RERG: variants seen among roughly 807,000 people sequenced by gnomAD.
RERG encodes the protein RAS like estrogen regulated growth inhibitor.
RERG carries 25 observed loss-of-function variants against 23.2 expected under a neutral mutation model. The ratio of observed to expected loss-of-function variants is 1.08; its 90% confidence interval spans 0.79 to 1.50. RERG has a LOEUF of 1.50. Ranked by LOEUF, RERG falls within the 40% of genes most tolerant of loss-of-function variation. The probability of loss-of-function intolerance (pLI) is 0.00; values close to 1 mark genes in which losing one functional copy is unlikely to be tolerated. For synonymous variants in RERG, 81 were observed against 89.1 expected, an observed-to-expected ratio of 0.91 and a Z score of 0.51; for missense variants, 253 against 250.1, an observed-to-expected ratio of 1.01 and a Z score of -0.08.
intron 2 of RERG, among the ~76,000 whole-genome samples, chr12:15,141,198 C>T (rs1021396780): frequency 6.6e-6 from 1 of 150,932 alleles, no homozygotes; most frequent in African/African-American, 2.4e-5. Context: ...CTCTGTCACC[C>T]AGGCTGCAGT....
chr12:15,213,751 T>C lies in RERG; in HGVS notation c.61+3678A>G, dbSNP rs1591673175. ...CAAACTGTCAATGAAAAAGTTCTGG[T>C]AAATGTTAAATTCTGTTTTAAATAT... On this transcript the variant is annotated intron_variant, in intron 2 of 4. Coordinates refer to ENST00000256953, the MANE Select transcript of RERG (RefSeq NM_032918.3). Among the ~76,000 whole-genome samples, 4 of 152,208 alleles carry C rather than the reference T, an allele frequency of 2.6e-5. No homozygotes were observed. In the East Asian group the frequency reaches 7.7e-4, roughly 29 times the overall value.
intron 2 of RERG, among the ~76,000 whole-genome samples, chr12:15,158,345 G>A (rs1470746293): frequency 6.6e-6 from 1 of 151,880 alleles, no homozygotes; most frequent in Non-Finnish European, 1.5e-5. Flanking sequence ...ACAGTGTTAT[G>A]ATCTTGGCTC....
intron 2 of RERG, among the ~76,000 whole-genome samples, chr12:15,145,761 G>A (rs1463718872): frequency 1.3e-5 from 2 of 152,186 alleles, no homozygotes; most frequent in Admixed American, 6.5e-5. Context: ...AGAACCCCAC[G>A]GTGGCTGAAT....
At chr12:15,129,335 A>G (rs1472239049) in intron 2 of RERG, among the ~76,000 whole-genome samples, 3 of 152,112 alleles carry the variant, frequency 2.0e-5, no homozygotes, top group Non-Finnish European at 2.9e-5. Context: ...TCTTTAAAAA[A>G]GGGGGGCTCA....
In RERG at chr12:15,108,863, C is replaced by A. The variant is rs1319118479; in HGVS notation, c.*247G>T. 2.6e-6 allele frequency: 1 copy of A among 389,130 alleles called. No individual in the cohort carries two copies. The highest frequency in any genetic ancestry group is 4.5e-6 in the Non-Finnish European group (1 of 221,632). 24.1% of individuals were successfully genotyped at this position (389,130 alleles called of 1,614,324 possible). Reference sequence around the variant, plus strand: ...TAACATAAACCAGTCATTTCAGAATCTCTGGTGATTACATGTTCAAATGCC... The same window carrying A: ...TAACATAAACCAGTCATTTCAGAATATCTGGTGATTACATGTTCAAATGCC... On this transcript the variant is annotated 3_prime_UTR_variant, in exon 5 of 5. Coordinates refer to ENST00000256953, the MANE Select transcript of RERG (RefSeq NM_032918.3).
chr12:15,189,606 A>C (rs892240231), intron 2 of RERG, among the ~76,000 whole-genome samples: 1 of 152,154 alleles, frequency 6.6e-6, no homozygotes, highest in Admixed American at 6.6e-5. Context: ...TTCCCTTTAG[A>C]ATGCAAATTT....
intron 2 of RERG, among the ~76,000 whole-genome samples, chr12:15,135,180 G>C (rs1864122578): frequency 6.6e-6 from 1 of 152,082 alleles, no homozygotes; most frequent in Non-Finnish European, 1.5e-5. Context: ...TTCATCTTGT[G>C]CTAACATAAA....
At chr12:15,137,855 G>T in intron 2 of RERG, 1 of 444,830 alleles carries the variant, frequency 2.2e-6, no homozygotes, top group Non-Finnish European at 4.5e-6. Context: ...TTTCTGTAAT[G>T]CTCTTCCTTT....
intron 2 of RERG, among the ~76,000 whole-genome samples, chr12:15,121,839 A>G (rs1198064758): frequency 6.6e-6 from 1 of 152,214 alleles, no homozygotes; most frequent in African/African-American, 2.4e-5. Flanking sequence ...ATCTGAATCC[A>G]GGAAGTCTGT....
chr12:15,213,714 C>T (rs1370288182), intron 2 of RERG, among the ~76,000 whole-genome samples: 1 of 152,160 alleles, frequency 6.6e-6, no homozygotes, highest in Non-Finnish European at 1.5e-5. Context: ...CCTTTGCTGA[C>T]ATGTCTGTGG....
intron 2 of RERG, among the ~76,000 whole-genome samples, chr12:15,164,446 G>C (rs950468307): frequency 1.3e-5 from 2 of 152,282 alleles, no homozygotes; most frequent in African/African-American, 4.8e-5. Context: ...ACATGAACAA[G>C]GCTTGCACCC....
intron 2 of RERG, among the ~76,000 whole-genome samples, chr12:15,135,217 T>C (rs1390914785): frequency 6.6e-6 from 1 of 152,186 alleles, no homozygotes; most frequent in Non-Finnish European, 1.5e-5. Context: ...ATTTCAACAT[T>C]TGTTCCACTT....
Position 15,109,288 on chromosome 12 carries a change from G to A in RERG, c.422C>T (p.Ala141Val), listed in dbSNP as rs1863556720. ...GGCAGAGCACTCGTAAAAAGCACAAGCCAATTCTGTGGCCAGCTTCTCTCC... is the reference window on the plus strand; with the variant it reads ...GGCAGAGCACTCGTAAAAAGCACAAACCAATTCTGTGGCCAGCTTCTCTCC... ...EEGEKLATEL[A>V]CAFYECSACT... The change falls in exon 5 of 5, where the codon GCT becomes GTT. Residue 141 changes from alanine (A) to valine (V), a missense_variant. Physicochemically the swap from Ala to Val is moderately conservative, Grantham distance 64 (BLOSUM62 0). Transcript: ENST00000256953. The A allele has an allele frequency of 1.2e-6, 2 of 1,614,140 alleles. No homozygotes were observed. The highest frequency in any genetic ancestry group is 1.7e-6 in the Non-Finnish European group (2 of 1,180,018).
At chr12:15,128,718 A>AT (rs1312846216) in intron 2 of RERG, among the ~76,000 whole-genome samples, 5 of 152,152 alleles carry the variant, frequency 3.3e-5, no homozygotes, top group Non-Finnish European at 7.4e-5. Flanking sequence ...AATAGGAGTA[A>AT]TGTGTATGGT....
chr12:15,216,325 A>G (rs778732718), intron 2 of RERG, among the ~76,000 whole-genome samples: 100 of 152,374 alleles, frequency 6.6e-4, no homozygotes, highest in Non-Finnish European at 1.1e-3. Flanking sequence ...CAAACCAAAC[A>G]GAAGAAAATG....
chr12:15,193,421 C>G (rs924365746), intron 2 of RERG, among the ~76,000 whole-genome samples: 1 of 152,130 alleles, frequency 6.6e-6, no homozygotes, highest in Non-Finnish European at 1.5e-5. Context: ...TCCTTACTTT[C>G]AGACACCACA....
intron 2 of RERG, chr12:15,152,187 T>C (rs937870602): frequency 6.6e-6 from 1 of 152,156 alleles, no homozygotes; most frequent in Non-Finnish European, 1.5e-5. Flanking sequence ...ACAAATAGAA[T>C]AGGCAGAAAG....
chr12:15,218,511 G>A (rs1046323328), intron 1 of RERG, among the ~76,000 whole-genome samples: 8 of 152,154 alleles, frequency 5.3e-5, no homozygotes, highest in African/African-American at 1.9e-4. Flanking sequence ...TTCCATGCCT[G>A]ACTTACCACT....
At chr12:15,119,553 T>TA (rs1863794527) in intron 3 of RERG, among the ~76,000 whole-genome samples, 1 of 152,146 alleles carries the variant, frequency 6.6e-6, no homozygotes, top group African/African-American at 2.4e-5. Flanking sequence ...GAAGAATAAG[T>TA]ATTCACTTTG....
Sources: gnomAD v4.1 joint callset for allele counts (sites outside exome capture counted in the v4.1 genomes callset) on GRCh38, gnomAD v4.1.1 for gene constraint, MANE v1.5 for transcripts, NCBI Gene and HGNC (gene_info 2026-07-23, HGNC 2026-07-21) for gene names.